The following PLPPR1 variants were observed in gnomAD, a reference collection of about 807,000 sequenced individuals.
PLPPR1 encodes the protein phospholipid phosphatase related 1.
A neutral mutation model predicts 33.1 loss-of-function variants in PLPPR1; 10 were observed. The observed-to-expected ratio is 0.30, with a 90% confidence interval of 0.19 to 0.51. The LOEUF is 0.51. Among genes scored for constraint, PLPPR1 ranks in the 20% least tolerant of loss-of-function variants. The pLI is 0.97. For missense variants in PLPPR1, 304 were observed against 408.1 expected (o/e 0.74, Z 2.20); for synonymous variants, 151 against 151.0 (o/e 1.00, Z 0.00).
At chr9:101,143,237 C>T (rs1831476561) in intron 1 of PLPPR1, among the ~76,000 whole-genome samples, 1 of 152,130 alleles carries the variant, frequency 6.6e-6, no homozygotes, top group Non-Finnish European at 1.5e-5. Context: ...GGTTTCCAGA[C>T]TTAAGTCTAT....
At chr9:101,290,912 A>G (rs1288064463) in intron 4 of PLPPR1, among the ~76,000 whole-genome samples, 1 of 152,228 alleles carries the variant, frequency 6.6e-6, no homozygotes, top group Non-Finnish European at 1.5e-5. Flanking sequence ...TCATCTCACT[A>G]GGGAGTGCCA....
At chr9:101,090,718 A>AAAACAAACAAACAAAC (rs55685639) in intron 1 of PLPPR1, among the ~76,000 whole-genome samples, 70 of 150,046 alleles carry the variant, frequency 4.7e-4, no homozygotes, top group Middle Eastern at 3.4e-3. Context: ...ACTCTGTCTC[A>AAAACAAACAAACAAAC]AAACAAACAA....
intron 2 of PLPPR1, among the ~76,000 whole-genome samples, chr9:101,200,308 T>A (rs1331588859): frequency 6.6e-6 from 1 of 152,092 alleles, no homozygotes; most frequent in South Asian, 2.1e-4. Flanking sequence ...TTAATGGACC[T>A]CATTGGCTTC....
intron 1 of PLPPR1, among the ~76,000 whole-genome samples, chr9:101,035,231 CAT>C (rs924672460): frequency 5.9e-5 from 9 of 151,622 alleles, no homozygotes; most frequent in African/African-American, 2.2e-4. Flanking sequence ...AAAAATTTGT[CAT>C]GTGTTCTAAA....
intron 1 of PLPPR1, among the ~76,000 whole-genome samples, chr9:101,135,487 G>A (rs1010815273): frequency 6.6e-6 from 1 of 152,096 alleles, no homozygotes; most frequent in South Asian, 2.1e-4. Context: ...GTTTTGTTTG[G>A]TTTTCCTACG....
At chr9:101,206,129 C>G (rs914548576) in intron 2 of PLPPR1, among the ~76,000 whole-genome samples, 1 of 152,128 alleles carries the variant, frequency 6.6e-6, no homozygotes, top group Non-Finnish European at 1.5e-5. Flanking sequence ...GCTCATTTCT[C>G]AAAAATGATG....
intron 2 of PLPPR1, among the ~76,000 whole-genome samples, chr9:101,204,233 C>T (rs1468963693): frequency 1.3e-5 from 2 of 152,122 alleles, no homozygotes; most frequent in African/African-American, 4.8e-5. Flanking sequence ...AGCTCAAGCC[C>T]ATTGGAGATT....
intron 1 of PLPPR1, among the ~76,000 whole-genome samples, chr9:101,161,773 A>G (rs1831776692): frequency 6.6e-6 from 1 of 152,228 alleles, no homozygotes; most frequent in African/African-American, 2.4e-5. Context: ...TTCAAACTGT[A>G]AAAGTTCTTT....
intron 1 of PLPPR1, among the ~76,000 whole-genome samples, chr9:101,108,009 G>A (rs1489380448): frequency 8.1e-5 from 12 of 148,408 alleles, no homozygotes; most frequent in South Asian, 2.1e-4. Context: ...GCTTCGGCTC[G>A]CGCACGGTGC....
chr9:101,149,686 A>G (rs900779803), intron 1 of PLPPR1, among the ~76,000 whole-genome samples: 1 of 152,208 alleles, frequency 6.6e-6, no homozygotes, highest in African/African-American at 2.4e-5. Flanking sequence ...GAAAGGAGTC[A>G]GAAGCCAATA....
chr9:101,165,960 C>G (rs114257783), intron 1 of PLPPR1, among the ~76,000 whole-genome samples: 2,716 of 152,288 alleles, frequency 0.018, 85 homozygotes, highest in African/African-American at 0.062. Context: ...TCTTCGGCCA[C>G]TTTACCATAT....
intron 1 of PLPPR1, among the ~76,000 whole-genome samples, chr9:101,169,299 C>T (rs1221700983): frequency 6.6e-6 from 1 of 152,154 alleles, no homozygotes; most frequent in African/African-American, 2.4e-5. Context: ...AACATTAACT[C>T]ACTACTTTCT....
intron 1 of PLPPR1, among the ~76,000 whole-genome samples, chr9:101,101,073 C>T (rs1564144812): frequency 6.6e-6 from 1 of 152,140 alleles, no homozygotes; most frequent in Non-Finnish European, 1.5e-5. Context: ...ACTGCTGGAA[C>T]TTTGTGCATT....
chr9:101,223,897 C>T (rs1466225774), intron 2 of PLPPR1, among the ~76,000 whole-genome samples: 1 of 152,000 alleles, frequency 6.6e-6, no homozygotes, highest in Admixed American at 6.6e-5. Context: ...TATAACCAAA[C>T]CAGTACTTCA....
intron 2 of PLPPR1, among the ~76,000 whole-genome samples, chr9:101,255,846 AATAGTGCATCTATG>A (rs1433463438): frequency 1.3e-5 from 2 of 152,296 alleles, no homozygotes; most frequent in Admixed American, 6.5e-5. Context: ...AATTTTCCCC[AATAGTGCATCTATG>A]TGAATGATTA....
At chr9:101,069,516 C>T (rs1034010698) in intron 1 of PLPPR1, among the ~76,000 whole-genome samples, 1 of 152,078 alleles carries the variant, frequency 6.6e-6, no homozygotes, top group African/African-American at 2.4e-5. Flanking sequence ...TAGAAGGCAT[C>T]TTGGACACTC....
At chr9:101,268,994 C>T (rs950909323) in intron 2 of PLPPR1, among the ~76,000 whole-genome samples, 3 of 152,178 alleles carry the variant, frequency 2.0e-5, no homozygotes, top group Non-Finnish European at 4.4e-5. Context: ...GCTTAAGTTT[C>T]TGTAATTTCA....
At chr9:101,167,662 C>A (rs1012167723) in intron 1 of PLPPR1, among the ~76,000 whole-genome samples, 1 of 152,054 alleles carries the variant, frequency 6.6e-6, no homozygotes, top group Non-Finnish European at 1.5e-5. Flanking sequence ...TCTGAAAGGG[C>A]ACTTTGGTCC....
At chr9:101,299,836 A>G (rs1445259009) in intron 4 of PLPPR1, among the ~76,000 whole-genome samples, 1 of 152,026 alleles carries the variant, frequency 6.6e-6, no homozygotes, top group Non-Finnish European at 1.5e-5. Context: ...TAGAATACTG[A>G]CTTGTGTGCA....
Sources: gnomAD v4.1 joint callset for allele counts (sites outside exome capture counted in the v4.1 genomes callset) on GRCh38, gnomAD v4.1.1 for gene constraint, MANE v1.5 for transcripts, NCBI Gene and HGNC (gene_info 2026-07-23, HGNC 2026-07-21) for gene names.